The following LOXL4 variants were observed in gnomAD, a reference collection of about 807,000 sequenced individuals.
LOXL4 encodes the protein lysyl oxidase homolog 4.
LOXL4 carries 72 observed loss-of-function variants against 89.1 expected under a neutral mutation model. The observed-to-expected ratio is 0.81, with a 90% CI of 0.67 to 0.98. The LOEUF is 0.98. Ranked by LOEUF, LOXL4 falls within the 50% of genes least tolerant of loss-of-function variation. The pLI is 0.00. For synonymous variants in LOXL4, 355 were observed against 392.1 expected (o/e 0.91, Z 1.12); for missense variants, 984 against 1,017.5 (o/e 0.97, Z 0.45).
At chr10:98,249,532 C>T (rs191121793) in intron 14 of LOXL4, among the ~76,000 whole-genome samples, 20 of 152,322 alleles carry the variant, frequency 1.3e-4, no homozygotes, top group African/African-American at 4.1e-4. Flanking sequence ...AAGCAGATAA[C>T]GGTTTTCTAC....
chr10:98,259,127 G>T lies in LOXL4; in HGVS notation c.803C>A (p.Ala268Asp), dbSNP rs758387243. The part of the protein sequence containing the change: ...MANCQVQVAP[A>D]RGKLRPACPG... The stretch of plus-strand genomic sequence containing the variant: ...GCAGGCTGGCCGCAGCTTGCCCCGG[G>T]CTGGAGCCACCTGCACCTGGCAGTT... The change falls in exon 6 of 15, where the codon GCC becomes GAC. Residue 268 changes from alanine (A) to aspartate (D), a missense_variant. By Grantham distance (126) the Ala-to-Asp change is moderately radical. Transcript: ENST00000260702. 2.5e-6 allele frequency: 4 copies of T among 1,610,192 alleles called. No homozygotes were observed. Among genetic ancestry groups the T allele is most frequent in the Admixed American group, 3.3e-5 (2 of 59,760 alleles).
At chr10:98,266,554 G>A (rs1858692908) in intron 1 of LOXL4, among the ~76,000 whole-genome samples, 1 of 152,090 alleles carries the variant, frequency 6.6e-6, no homozygotes, top group Non-Finnish European at 1.5e-5. Flanking sequence ...AGGACCCTGG[G>A]GTCTGGGCCA....
At chr10:98,259,632 G>A (rs1489820723) in intron 4 of LOXL4, among the ~76,000 whole-genome samples, 5 of 152,216 alleles carry the variant, frequency 3.3e-5, no homozygotes, top group South Asian at 4.1e-4. Context: ...AGGAAGGCAA[G>A]CAAGGTCCCT....
In LOXL4 at chr10:98,255,597, G is replaced by A. The variant is rs560674619; in HGVS notation, c.1571C>T (p.Ala524Val). The change falls in exon 10 of 15, where the codon GCT (alanine) becomes GTT (valine). Residue 524 changes from alanine to valine, a missense_variant. Physicochemically the swap from Ala to Val is moderately conservative, Grantham distance 64. Transcript: ENST00000260702. ...HCSHGGGRFLAGVSCMDSAPD... is the reference protein window; with the variant it reads ...HCSHGGGRFLVGVSCMDSAPD... The stretch of plus-strand genomic sequence containing the variant: ...CTCACTGTCCATGCAGGAGACTCCA[G>A]CCAGGAAGCGCCCGCCACCGTGGGA... 1 of 1,610,126 alleles carries A rather than the reference G, an allele frequency of 6.2e-7. No homozygotes were observed. The highest frequency in any genetic ancestry group is 8.5e-7 in the Non-Finnish European group (1 of 1,176,890).
chr10:98,259,261 G>T (rs1374149330), intron 5 of LOXL4, 33 bp from the exon 6 acceptor site: 7 of 1,598,618 alleles, frequency 4.4e-6, no homozygotes, highest in African/African-American at 1.3e-5. Flanking sequence ...GGTGGAGGAA[G>T]GGCTGAGGGA....
At position 98,257,467 on chromosome 10, in the gene LOXL4, T is replaced by G. The variant is rs532073921; in HGVS notation, c.1260+183A>C. On this transcript the variant is annotated intron_variant, in intron 8 of 14. Coordinates refer to ENST00000260702, the MANE Select transcript of LOXL4 (RefSeq NM_032211.7). ...AGCACATCCATCTGCAGAGCCCCTG[T>G]GGCCTCTGACATTTCGGAGGGGCTG... is the stretch of plus-strand genomic sequence containing the variant. 2.6e-5 allele frequency among the ~76,000 whole-genome samples: 4 copies of G among 152,266 alleles called. No individual in the cohort carries two copies. The South Asian group carries it at 8.3e-4, about 32-fold the overall frequency.
In LOXL4 at chr10:98,258,117, C is replaced by G. The variant is rs755969660; in HGVS notation, c.969G>C (p.Arg323=). The G allele has an allele frequency of 6.2e-7, 1 of 1,613,266 alleles. No individual in the cohort carries two copies. Among genetic ancestry groups the G allele is most frequent in the Non-Finnish European group, 8.5e-7 (1 of 1,179,926 alleles). ...ACTGGCGGTTCATGAGCACTTCCAC[C>G]CGGCCCTCGCCCACCTGGGCCCCGG... ...LRSGAQVGEG[R]VEVLMNRQWG... is the part of the protein sequence containing the mutation. Residue 323 remains arginine, a synonymous_variant, in exon 7 of 15, where the codon CGG becomes CGC. Coordinates refer to ENST00000260702, the MANE Select transcript of LOXL4 (RefSeq NM_032211.7).
Position 98,251,477 on chromosome 10 carries a change from G to A in LOXL4, c.2088+89C>T, listed in dbSNP as rs1858190385. ...ACAGGCCTGTCGGAAACCCTGTATGGGAAATTCTTCCCTTCATTTGCCCTC... is the reference window on the plus strand; with the variant it reads ...ACAGGCCTGTCGGAAACCCTGTATGAGAAATTCTTCCCTTCATTTGCCCTC... On this transcript the variant is annotated intron_variant, in intron 13 of 14. Coordinates refer to ENST00000260702, the MANE Select transcript of LOXL4 (RefSeq NM_032211.7). 3 of 1,551,714 alleles carry A rather than the reference G, an allele frequency of 1.9e-6. No homozygotes were observed. The East Asian group carries it at 6.7e-5, about 35-fold the overall frequency.
chr10:98,262,805 C>T lies in LOXL4; in HGVS notation c.215G>A (p.Arg72His), dbSNP rs765159834. 4.6e-5 allele frequency: 75 copies of T among 1,613,432 alleles called. No homozygotes were observed. The highest frequency in any genetic ancestry group is 3.3e-5 in the South Asian group (3 of 91,086). Reference sequence around the variant, plus strand: ...CAAGGCAGCTTCGAAGCCCAGCTGGCGGCAAGCCACTGTGGCCTCCTGGAT... The same window carrying T: ...CAAGGCAGCTTCGAAGCCCAGCTGGTGGCAAGCCACTGTGGCCTCCTGGAT... ...FAIQEATVAC[R>H]QLGFEAALTW... Residue 72 changes from arginine to histidine, a missense_variant, in exon 2 of 15, where the codon CGC becomes CAC. By Grantham distance (29) the Arg-to-His change is conservative. Transcript: ENST00000260702.
At chr10:98,263,121 C>G in intron 1 of LOXL4, 70 bp from the exon 2 acceptor site, 1 of 1,311,468 alleles carries the variant, frequency 7.6e-7, no homozygotes, top group South Asian at 1.4e-5. Context: ...AGCAATTTGG[C>G]AGCTCCTGGC....
At chr10:98,258,657 G>A (rs764953669) in intron 6 of LOXL4, among the ~76,000 whole-genome samples, 6 of 152,076 alleles carry the variant, frequency 3.9e-5, no homozygotes, top group Non-Finnish European at 8.8e-5. Flanking sequence ...GCACTGAGGC[G>A]TCTCTACCAC....
intron 9 of LOXL4, chr10:98,256,493 G>T: frequency 2.2e-6 from 1 of 448,636 alleles, no homozygotes; most frequent in Non-Finnish European, 4.0e-6. Flanking sequence ...AGCTTTCTCT[G>T]GCCACAGGGC....
chr10:98,252,205 A>C, intron 12 of LOXL4, 148 bp downstream of exon 12: 1 of 649,424 alleles, frequency 1.5e-6, no homozygotes. Flanking sequence ...TTCAGAAGGT[A>C]AGAAATTGCC....
rs1590880442 is a variant in LOXL4, at chr10:98,257,794, G to A, written c.1116C>T (p.Pro372=). Reference sequence around the variant, plus strand: ...TGCAGCGCACCTCACTCAGGTGGATGGGCCCTAGCCCTAGATGGGGAGAGA... The same window carrying A: ...TGCAGCGCACCTCACTCAGGTGGATAGGCCCTAGCCCTAGATGGGGAGAGA... ...FGARLGQGLG[P]IHLSEVRCRG... The change falls in exon 8 of 15, where the codon CCC becomes CCT. Residue 372 remains proline (P), a synonymous_variant. Transcript: ENST00000260702. The A allele has an allele frequency of 6.2e-7, 1 of 1,613,072 alleles. No individual in the cohort carries two copies. Among genetic ancestry groups the A allele is most frequent in the Non-Finnish European group, 8.5e-7 (1 of 1,179,390 alleles).
intron 1 of LOXL4, among the ~76,000 whole-genome samples, chr10:98,263,713 C>T (rs1351898190): frequency 2.0e-5 from 3 of 150,508 alleles, no homozygotes; most frequent in Non-Finnish European, 4.4e-5. Flanking sequence ...CTCTTTCTTT[C>T]TTTTTTCTTT....
intron 10 of LOXL4, 31 bp downstream of exon 10, chr10:98,255,546 T>A (rs1480677817): frequency 6.3e-7 from 1 of 1,580,860 alleles, no homozygotes. Context: ...GGCCTACCTG[T>A]CCCCAGCCCT....
chr10:98,248,081 G>A lies in LOXL4; in HGVS notation c.*840C>T, dbSNP rs1435953199. 6.6e-6 allele frequency: 1 copy of A among 152,262 alleles called. No individual in the cohort carries two copies. The highest frequency in any genetic ancestry group is 2.4e-5 in the African/African-American group (1 of 41,460). 9.4% of individuals were successfully genotyped at this position (152,262 alleles called of 1,614,324 possible). On this transcript the variant is annotated 3_prime_UTR_variant, in exon 15 of 15. Coordinates refer to ENST00000260702, the MANE Select transcript of LOXL4 (RefSeq NM_032211.7). ...TTAGACCAATCCTGAGATGCGTGGTGATCCTGAGAGAGAGCAGACTGCCTG... is the reference window on the plus strand; with the variant it reads ...TTAGACCAATCCTGAGATGCGTGGTAATCCTGAGAGAGAGCAGACTGCCTG...
At chr10:98,257,584 G>T in intron 8 of LOXL4, 66 bp downstream of exon 8, 3 of 1,538,184 alleles carry the variant, frequency 2.0e-6, no homozygotes, top group Non-Finnish European at 2.6e-6. Context: ...GCTCGATGTG[G>T]TGTCCTGGGG....
Position 98,259,022 on chromosome 10 carries a change from C to A in LOXL4, c.908G>T (p.Gly303Val), listed in dbSNP as rs139729484. 2 of 1,551,342 alleles carry A rather than the reference C, an allele frequency of 1.3e-6. No individual in the cohort carries two copies. Among genetic ancestry groups the A allele is most frequent in the Admixed American group, 2.0e-5 (1 of 51,280 alleles). ...CCCAGGGCTCACCTCTGCCCAGGAC[C>A]CTTTGCGTTGTGGCTTTGTCTTCGG... ...RPPKTKPQRK[G>V]SWAEEPRVRL... The change falls in exon 6 of 15, where the codon GGG (glycine) becomes GTG (valine). Residue 303 changes from glycine to valine, a missense_variant. Gly to Val is a moderately radical substitution (Grantham distance 109, BLOSUM62 -3). Transcript: ENST00000260702.
Sources: gnomAD v4.1 joint callset for allele counts (sites outside exome capture counted in the v4.1 genomes callset) on GRCh38, gnomAD v4.1.1 for gene constraint, MANE v1.5 for transcripts, NCBI Gene and HGNC (gene_info 2026-07-23, HGNC 2026-07-21) for gene names.